COL19A1: variants seen among roughly 807,000 people sequenced by gnomAD.
COL19A1 encodes the protein collagen alpha-1(XIX) chain.
In COL19A1, 159 loss-of-function variants were observed where a neutral mutation model predicts 190.2. The ratio of observed to expected loss-of-function variants is 0.84; its 90% CI spans 0.73 to 0.95. The LOEUF (loss-of-function observed/expected upper bound fraction) is 0.95. COL19A1 is among the 40% of genes least tolerant of loss of function. The pLI is 0.00. For synonymous variants in COL19A1, 509 were observed against 458.9 expected (o/e 1.11, Z -1.39); for missense variants, 1,418 against 1,431.9 (o/e 0.99, Z 0.16).
intron 4 of COL19A1, among the ~76,000 whole-genome samples, chr6:69,903,778 T>C (rs925943722): frequency 1.3e-5 from 2 of 152,170 alleles, no homozygotes; most frequent in African/African-American, 4.8e-5. Context: ...AATGGGCACC[T>C]CTTGTCAACT....
At chr6:70,045,351 C>T (rs1779854561) in intron 14 of COL19A1, among the ~76,000 whole-genome samples, 1 of 146,628 alleles carries the variant, frequency 6.8e-6, no homozygotes, top group Admixed American at 6.8e-5. Flanking sequence ...TCCGATCATT[C>T]TGTCATCTGA....
chr6:69,883,753 GC>G (rs1768723760), intron 2 of COL19A1, among the ~76,000 whole-genome samples: 1 of 152,072 alleles, frequency 6.6e-6, no homozygotes, highest in Non-Finnish European at 1.5e-5. Flanking sequence ...TCATCCCCTG[GC>G]TTTTCCTAAG....
intron 1 of COL19A1, among the ~76,000 whole-genome samples, chr6:69,879,296 TAAG>T (rs1382271179): frequency 6.6e-6 from 1 of 152,158 alleles, no homozygotes; most frequent in South Asian, 2.1e-4. Flanking sequence ...ATTTAACTGA[TAAG>T]AAGCTGTATC....
intron 15 of COL19A1, among the ~76,000 whole-genome samples, chr6:70,078,492 C>G (rs898426576): frequency 6.6e-6 from 1 of 152,180 alleles, no homozygotes; most frequent in African/African-American, 2.4e-5. Flanking sequence ...TGCCTTGAAG[C>G]AAGGGGCGAG....
rs1768130208 is a variant in COL19A1 at position 70,210,583 on chromosome 6, T to C, written c.*3309T>C. ...GATATTTGGCTTATAAAGTAATTTT[T>C]ATGAATCTGTTTTATGAGTTAGGTA... On this transcript the variant is annotated 3_prime_UTR_variant, in exon 51 of 51. Coordinates refer to ENST00000620364, the MANE Select transcript of COL19A1 (RefSeq NM_001858.6). Among the ~76,000 whole-genome samples, 1 of 152,174 alleles carries C rather than the reference T, an allele frequency of 6.6e-6. No individual in the cohort carries two copies. Among genetic ancestry groups the C allele is most frequent in the Admixed American group, 6.6e-5 (1 of 15,250 alleles).
At chr6:70,041,214 ATTTCT>A (rs1282906131) in intron 14 of COL19A1, among the ~76,000 whole-genome samples, 1 of 152,174 alleles carries the variant, frequency 6.6e-6, no homozygotes, top group Admixed American at 6.6e-5. Context: ...GAAATATCTG[ATTTCT>A]TTTCAGCCAC....
At chr6:69,880,156 T>C (rs964273852) in intron 2 of COL19A1, among the ~76,000 whole-genome samples, 14 of 152,238 alleles carry the variant, frequency 9.2e-5, no homozygotes, top group Admixed American at 6.5e-5. Context: ...TTAGAGCACC[T>C]TTTGAACTAA....
At chr6:70,171,013 C>T (rs965589336) in intron 40 of COL19A1, among the ~76,000 whole-genome samples, 2 of 152,080 alleles carry the variant, frequency 1.3e-5, no homozygotes, top group African/African-American at 4.8e-5. Flanking sequence ...AAACAACTCC[C>T]CACTTTATCT....
intron 9 of COL19A1, among the ~76,000 whole-genome samples, chr6:69,957,530 A>G (rs187707556): frequency 6.6e-6 from 1 of 152,166 alleles, no homozygotes; most frequent in Non-Finnish European, 1.5e-5. Flanking sequence ...AAAGGAATAC[A>G]AGTCCTTTCA....
intron 12 of COL19A1, 91 bp downstream of exon 12, chr6:70,023,771 G>A: frequency 2.6e-6 from 3 of 1,160,460 alleles, no homozygotes; most frequent in East Asian, 2.5e-5. Context: ...ATTTTTGGCA[G>A]AGCCAGCCAG....
At chr6:70,143,530 C>G (rs2150236902) in intron 23 of COL19A1, among the ~76,000 whole-genome samples, 1 of 152,234 alleles carries the variant, frequency 6.6e-6, no homozygotes, top group Middle Eastern at 3.4e-3. Context: ...CCAGGCAACT[C>G]TTAGGATCTC....
At chr6:70,071,454 A>G (rs1347684688) in intron 15 of COL19A1, among the ~76,000 whole-genome samples, 2 of 152,170 alleles carry the variant, frequency 1.3e-5, no homozygotes, top group African/African-American at 4.8e-5. Flanking sequence ...TGCTTCTTAC[A>G]CTTAAAAGCT....
At chr6:70,144,778 G>GGTGA (rs769452942) in intron 24 of COL19A1, 140 bp from the exon 25 acceptor site, 156 of 664,256 alleles carry the variant, frequency 2.3e-4, no homozygotes, top group African/African-American at 9.8e-4. Flanking sequence ...TGAGTGAGTT[G>GGTGA]GTGAGTGAGT....
At chr6:69,869,553 T>G (rs1767690155) in intron 1 of COL19A1, among the ~76,000 whole-genome samples, 1 of 149,358 alleles carries the variant, frequency 6.7e-6, no homozygotes, top group South Asian at 2.1e-4. Flanking sequence ...CCCTTCAAAT[T>G]GAAAAAAAAT....
At chr6:69,960,614 G>A (rs1232837911) in intron 10 of COL19A1, among the ~76,000 whole-genome samples, 1 of 145,480 alleles carries the variant, frequency 6.9e-6, no homozygotes, top group African/African-American at 2.5e-5. Context: ...AACTTCCTTT[G>A]TGCCCCCACT....
intron 2 of COL19A1, among the ~76,000 whole-genome samples, chr6:69,889,186 T>A (rs1336476805): frequency 6.6e-6 from 1 of 152,236 alleles, no homozygotes; most frequent in Admixed American, 6.5e-5. Flanking sequence ...GAAAATTATT[T>A]TTCTTAACGT....
chr6:70,133,375 T>G (rs1785642340), intron 18 of COL19A1, among the ~76,000 whole-genome samples: 1 of 152,148 alleles, frequency 6.6e-6, no homozygotes, highest in Admixed American at 6.5e-5. Context: ...CCACATCCTG[T>G]ATCAAGAACA....
intron 5 of COL19A1, 68 bp from the exon 6 acceptor site, chr6:69,929,357 C>A: frequency 1.4e-6 from 2 of 1,479,586 alleles, no homozygotes; most frequent in South Asian, 1.3e-5. Context: ...TTGAGCTTTT[C>A]TTTGTGTGCT....
chr6:69,921,751 T>G (rs1207288897), intron 4 of COL19A1, among the ~76,000 whole-genome samples: 2 of 146,888 alleles, frequency 1.4e-5, no homozygotes, highest in South Asian at 2.2e-4. Context: ...CGTATATGTA[T>G]ATTCGTATGT....
Sources: gnomAD v4.1 joint callset for allele counts (sites outside exome capture counted in the v4.1 genomes callset) on GRCh38, gnomAD v4.1.1 for gene constraint, MANE v1.5 for transcripts, NCBI Gene and HGNC (gene_info 2026-07-23, HGNC 2026-07-21) for gene names.